The following MBTPS1 variants were observed in gnomAD, a reference collection of about 807,000 sequenced individuals.
MBTPS1 encodes membrane-bound transcription factor site-1 protease.
In MBTPS1, 94 loss-of-function variants were observed where a neutral mutation model predicts 127.8. The ratio of observed to expected loss-of-function variants is 0.74; its 90% confidence interval spans 0.62 to 0.87. The LOEUF (loss-of-function observed/expected upper bound fraction) is 0.87, where lower values mean the gene tolerates loss of function less well. Ranked by LOEUF, MBTPS1 falls within the 40% of genes least tolerant of loss-of-function variation. MBTPS1 has a pLI of 0.00. For synonymous variants in MBTPS1, 632 were observed against 509.4 expected (o/e 1.24, Z -3.24); for missense variants, 1,636 against 1,353.2 (o/e 1.21, Z -3.28).
chr16:84,087,603 C>A, intron 8 of MBTPS1, 143 bp from the exon 9 acceptor site: 1 of 611,774 alleles, frequency 1.6e-6, no homozygotes, highest in Non-Finnish European at 2.9e-6. Flanking sequence ...AAGACGTGTG[C>A]AGCTCCTCAC....
At chr16:84,060,627 A>G (rs978964213) in intron 20 of MBTPS1, 55 bp downstream of exon 20, 18 of 1,583,228 alleles carry the variant, frequency 1.1e-5, no homozygotes, top group Non-Finnish European at 1.5e-5. Context: ...CTGAAGTAGC[A>G]TCATGTTCAG....
At chr16:84,082,894 G>T (rs186401378) in intron 10 of MBTPS1, among the ~76,000 whole-genome samples, 166 of 152,344 alleles carry the variant, frequency 1.1e-3, no homozygotes, top group African/African-American at 3.6e-3. Flanking sequence ...TGGAGCTCGG[G>T]AGGCCCGCCA....
rs887437087 is a variant in MBTPS1 at position 84,054,309 on chromosome 16, G to C, written c.*140C>G. The C allele has an allele frequency of 5.7e-5, 37 of 648,830 alleles. No homozygotes were observed. The highest frequency in any genetic ancestry group is 8.6e-5 in the Non-Finnish European group (35 of 407,598). The allele number at this position is 648,830 out of a possible 1,614,324, so 40.2% of individuals were successfully genotyped here. On this transcript the variant is annotated 3_prime_UTR_variant, in exon 23 of 23. Transcript: ENST00000343411. ...AGCCTCTGCCCATCACAGGAGGGCA[G>C]GCCCATGTAGAACAGACTCTAACAA...
intron 6 of MBTPS1, among the ~76,000 whole-genome samples, chr16:84,092,392 T>C (rs1412703717): frequency 1.3e-5 from 2 of 152,206 alleles, no homozygotes; most frequent in Non-Finnish European, 2.9e-5. Context: ...TTAAAAAATA[T>C]AAAATTAAGT....
At chr16:84,074,868 A>G in intron 11 of MBTPS1, 127 bp from the exon 12 acceptor site, 1 of 798,166 alleles carries the variant, frequency 1.3e-6, no homozygotes, top group South Asian at 1.8e-5. Flanking sequence ...GCGCTGCCCT[A>G]GGCTGGCATC....
chr16:84,073,237 G>A (rs1022731475), intron 12 of MBTPS1, among the ~76,000 whole-genome samples: 5 of 152,266 alleles, frequency 3.3e-5, no homozygotes, highest in Admixed American at 6.5e-5. Flanking sequence ...AGGTTCAAGC[G>A]ATTCTCCTGC....
intron 1 of MBTPS1, among the ~76,000 whole-genome samples, chr16:84,102,349 T>C (rs1011122449): frequency 1.3e-5 from 2 of 151,922 alleles, no homozygotes; most frequent in Non-Finnish European, 2.9e-5. Context: ...AATAAGAGGG[T>C]AAAAGAGATA....
chr16:84,057,718 C>A (rs1338869792), intron 21 of MBTPS1: 1 of 152,176 alleles, frequency 6.6e-6, no homozygotes, highest in African/African-American at 2.4e-5. Context: ...TAATTTTCAA[C>A]AAGATATGAA....
chr16:84,110,657 G>A (rs1022797054), intron 1 of MBTPS1: 7 of 152,144 alleles, frequency 4.6e-5, no homozygotes, highest in Non-Finnish European at 7.3e-5. Context: ...CCAACAACCC[G>A]TTACTACCCC....
intron 8 of MBTPS1, among the ~76,000 whole-genome samples, chr16:84,088,331 A>C (rs898995945): frequency 6.6e-6 from 1 of 152,096 alleles, no homozygotes. Flanking sequence ...TTCCCAACAC[A>C]CCGAGAAAAA....
In MBTPS1 at chr16:84,070,058, A is replaced by G. The variant is rs761055285; in HGVS notation, c.1783-20T>C. Reference sequence around the variant, plus strand: ...TTTTGACTAAAAAAAAAGAAAAGAAACTTGAAACGCCCTCATTGTGCAGAA... The same window carrying G: ...TTTTGACTAAAAAAAAAGAAAAGAAGCTTGAAACGCCCTCATTGTGCAGAA... On this transcript the variant is annotated intron_variant, in intron 13 of 22. Transcript: ENST00000343411. The G allele has an allele frequency of 6.4e-6, 10 of 1,553,544 alleles. No individual in the cohort carries two copies. The highest frequency in any genetic ancestry group is 2.3e-5 in the Admixed American group (1 of 44,238).
intron 10 of MBTPS1, 54 bp from the exon 11 acceptor site, chr16:84,081,962 G>A (rs2085948906): frequency 3.1e-6 from 4 of 1,306,782 alleles, no homozygotes; most frequent in African/African-American, 3.0e-5. Context: ...AATGGAAATT[G>A]GACCACTAAA....
intron 20 of MBTPS1, 60 bp from the exon 21 acceptor site, chr16:84,059,488 GA>G: frequency 1.3e-6 from 2 of 1,513,330 alleles, no homozygotes; most frequent in Non-Finnish European, 9.1e-7. Flanking sequence ...AAATGCAAAG[GA>G]AAAAGGAGGG....
At chr16:84,076,302 T>C (rs1211483725) in intron 11 of MBTPS1, among the ~76,000 whole-genome samples, 2 of 152,056 alleles carry the variant, frequency 1.3e-5, no homozygotes, top group East Asian at 1.9e-4. Context: ...CATATATATA[T>C]AGATATACAC....
intron 2 of MBTPS1, 52 bp downstream of exon 2, chr16:84,101,569 A>T (rs968256200): frequency 2.7e-6 from 4 of 1,467,534 alleles, no homozygotes; most frequent in Non-Finnish European, 3.7e-6. Flanking sequence ...ATATTAAGTA[A>T]GCTTTAAAAA....
intron 19 of MBTPS1, chr16:84,061,057 A>C: frequency 3.4e-6 from 1 of 295,612 alleles, no homozygotes; most frequent in Non-Finnish European, 6.5e-6. Context: ...GGCTCAAGTG[A>C]TCTTCTTGCC....
intron 1 of MBTPS1, among the ~76,000 whole-genome samples, chr16:84,109,130 G>T (rs1465572976): frequency 1.3e-5 from 2 of 152,134 alleles, no homozygotes; most frequent in Non-Finnish European, 2.9e-5. Flanking sequence ...AAGAACCTAG[G>T]CTCTTTGGAC....
chr16:84,095,496 G>C (rs998663700), intron 4 of MBTPS1, 106 bp downstream of exon 4: 2 of 1,244,872 alleles, frequency 1.6e-6, no homozygotes. Context: ...GCACTAGGCA[G>C]TCCCGAACAT....
intron 14 of MBTPS1, 53 bp downstream of exon 14, chr16:84,069,813 C>G (rs1164379290): frequency 6.6e-7 from 1 of 1,509,972 alleles, no homozygotes; most frequent in Non-Finnish European, 9.1e-7. Flanking sequence ...ACAGTGGTGC[C>G]TCCTCCCACC....
Sources: gnomAD v4.1 joint callset for allele counts (sites outside exome capture counted in the v4.1 genomes callset) on GRCh38, gnomAD v4.1.1 for gene constraint, MANE v1.5 for transcripts, NCBI Gene and HGNC (gene_info 2026-07-23, HGNC 2026-07-21) for gene names.